The following CPLANE1 variants were observed in gnomAD, a reference collection of about 807,000 sequenced individuals.
CPLANE1 encodes the protein ciliogenesis and planar polarity effector 1.
Under a neutral mutation model 362.5 loss-of-function variants are expected in CPLANE1, and 263 were observed. That is an observed-to-expected ratio of 0.73 (90% CI 0.66 to 0.80). The LOEUF (loss-of-function observed/expected upper bound fraction) is 0.80, where lower values mean the gene tolerates loss of function less well. CPLANE1 is among the 30% of genes least tolerant of loss of function. The pLI is 0.00. For missense variants in CPLANE1, 3,461 were observed against 3,793.4 expected (o/e 0.91, Z 2.30); for synonymous variants, 1,212 against 1,302.6 (o/e 0.93, Z 1.50).
chr5:37,193,806 A>G (rs1276803310), intron 21 of CPLANE1, among the ~76,000 whole-genome samples: 1 of 152,084 alleles, frequency 6.6e-6, no homozygotes, highest in Admixed American at 6.6e-5. Flanking sequence ...TAGCAAGATC[A>G]TAGCTCACTG....
chr5:37,231,348 G>A (rs1456469535), intron 8 of CPLANE1, among the ~76,000 whole-genome samples: 1 of 152,176 alleles, frequency 6.6e-6, no homozygotes, highest in Non-Finnish European at 1.5e-5. Context: ...GGGAGGCCGA[G>A]GCAGGCGGAT....
At chr5:37,141,470 T>C in intron 44 of CPLANE1, 1 of 984,630 alleles carries the variant, frequency 1.0e-6, no homozygotes, top group Non-Finnish European at 1.2e-6. Flanking sequence ...CATATGTTGA[T>C]GACTAAAACA....
chr5:37,154,686 T>C (rs77787197), intron 41 of CPLANE1, among the ~76,000 whole-genome samples: 2,456 of 152,102 alleles, frequency 0.016, 79 homozygotes, highest in African/African-American at 0.057. Flanking sequence ...CTGCCATCCA[T>C]TCCTTTTACC....
At chr5:37,092,281 C>T in the CPLANE1 span, among the ~76,000 whole-genome samples, 2 of 152,206 alleles carry the variant, frequency 1.3e-5, no homozygotes, top group East Asian at 3.9e-4. Context: ...CACTATCTTC[C>T]CACTGTGTGT....
At chr5:37,189,612 G>A (rs2151259265) in intron 21 of CPLANE1, among the ~76,000 whole-genome samples, 1 of 152,288 alleles carries the variant, frequency 6.6e-6, no homozygotes, top group East Asian at 1.9e-4. Context: ...TTTTCAGACT[G>A]TGGATTACAA....
intron 49 of CPLANE1, among the ~76,000 whole-genome samples, chr5:37,120,809 A>G (rs532921698): frequency 6.6e-6 from 1 of 152,304 alleles, no homozygotes; most frequent in East Asian, 1.9e-4. Context: ...GCTTTATTCT[A>G]GAAAAGTCTC....
rs571013883 is a variant in CPLANE1 at position 37,230,493 on chromosome 5, T to C, written c.1121+374A>G. 2.4e-3 allele frequency among the ~76,000 whole-genome samples: 372 copies of C among 152,226 alleles called. 4 individuals are homozygous for C. The highest frequency in any genetic ancestry group is 8.3e-3 in the African/African-American group (345 of 41,570). The stretch of plus-strand genomic sequence containing the variant: ...TTTCTATCCATTTCCAATAACTTTT[T>C]CCCTTTGGGAAAAAAGTAGATAAAT... On this transcript the variant is annotated intron_variant, in intron 9 of 52. Coordinates refer to ENST00000651892, the MANE Select transcript of CPLANE1 (RefSeq NM_001384732.1).
At position 37,227,303 on chromosome 5, in the gene CPLANE1, GA is replaced by G. The variant is rs1381218328; in HGVS notation, c.1460del (p.Phe487SerfsTer13). ...EHQGNESSAD[F>X]TVPKFLQAEE... ...CTGCCTGCAAGAATTTGGGGACAGT[GA>G]AATCGGCTGAACTTTCATTTCCTTG... On this transcript the variant is annotated frameshift_variant, in exon 11 of 53. Transcript: ENST00000651892. 1 of 1,552,142 alleles carries G rather than the reference GA, an allele frequency of 6.4e-7. No homozygotes were observed. The highest frequency in any genetic ancestry group is 2.4e-5 in the East Asian group (1 of 40,892).
intron 19 of CPLANE1, among the ~76,000 whole-genome samples, chr5:37,199,564 T>C (rs1017256876): frequency 1.3e-5 from 2 of 152,234 alleles, no homozygotes; most frequent in African/African-American, 4.8e-5. Context: ...TTTGTCTTCG[T>C]ATGGCCACAG....
Position 37,206,692 on chromosome 5 carries a change from C to G in CPLANE1, c.2921-267G>C, listed in dbSNP as rs1473726366. Among the ~76,000 whole-genome samples, 4 of 152,024 alleles carry G rather than the reference C, an allele frequency of 2.6e-5. 1 individual carries two copies. Among genetic ancestry groups the G allele is most frequent in the African/African-American group, 9.6e-5 (4 of 41,488 alleles). Reference sequence around the variant, plus strand: ...AAAAACAAAACAGAATAGAAAGTATCAGACACAAAATAAAGGTAAATACTG... The same window carrying G: ...AAAAACAAAACAGAATAGAAAGTATGAGACACAAAATAAAGGTAAATACTG... On this transcript the variant is annotated intron_variant, in intron 16 of 52. Coordinates refer to ENST00000651892, the MANE Select transcript of CPLANE1 (RefSeq NM_001384732.1).
At chr5:37,121,595 G>A in intron 49 of CPLANE1, 22 bp downstream of exon 49, 1 of 1,610,846 alleles carries the variant, frequency 6.2e-7, no homozygotes, top group Non-Finnish European at 8.5e-7. Context: ...CTTGCCAAAT[G>A]GCATGTGAAA....
intron 42 of CPLANE1, 115 bp downstream of exon 42, chr5:37,153,625 G>T: frequency 9.2e-7 from 1 of 1,083,704 alleles, no homozygotes. Context: ...ACAAACCCTA[G>T]CTTAAAGAAA....
the CPLANE1 span, among the ~76,000 whole-genome samples, chr5:37,082,093 C>CAAA: frequency 1.1e-5 from 1 of 92,496 alleles, no homozygotes; most frequent in African/African-American, 3.5e-5. Flanking sequence ...AACTCCGTAT[C>CAAA]AAAAAAAAAA....
chr5:37,217,395 C>G (rs1295373898), intron 15 of CPLANE1, among the ~76,000 whole-genome samples: 1 of 151,910 alleles, frequency 6.6e-6, no homozygotes, highest in Non-Finnish European at 1.5e-5. Context: ...CACCTGAGGT[C>G]AGGAGTTAGA....
intron 46 of CPLANE1, among the ~76,000 whole-genome samples, chr5:37,135,110 A>G (rs1238930786): frequency 6.6e-6 from 1 of 152,084 alleles, no homozygotes; most frequent in Non-Finnish European, 1.5e-5. Flanking sequence ...TTTCCTCACA[A>G]TGGTGCTTTT....
chr5:37,097,222 T>A, the CPLANE1 span, among the ~76,000 whole-genome samples: 1 of 151,702 alleles, frequency 6.6e-6, no homozygotes, highest in South Asian at 2.1e-4. Context: ...ACAAAAAAAA[T>A]AAATATATGT....
At chr5:37,236,925 T>C (rs760876286) in intron 8 of CPLANE1, among the ~76,000 whole-genome samples, 28 of 151,862 alleles carry the variant, frequency 1.8e-4, no homozygotes, top group Non-Finnish European at 2.9e-4. Context: ...TGTTGGCAAG[T>C]ATGCAGAGGA....
intron 46 of CPLANE1, among the ~76,000 whole-genome samples, chr5:37,132,324 T>C (rs1766075120): frequency 6.7e-6 from 1 of 149,256 alleles, no homozygotes; most frequent in South Asian, 2.1e-4. Context: ...TCTTTGCTTA[T>C]TCGATTGTTC....
At chr5:37,247,790 C>A in intron 1 of CPLANE1, 45 bp from the exon 2 acceptor site, 1 of 1,307,168 alleles carries the variant, frequency 7.7e-7, no homozygotes, top group Non-Finnish European at 1.0e-6. Flanking sequence ...GCATAATATT[C>A]ACTGGGCATT....
Sources: gnomAD v4.1 joint callset for allele counts (sites outside exome capture counted in the v4.1 genomes callset) on GRCh38, gnomAD v4.1.1 for gene constraint, MANE v1.5 for transcripts, NCBI Gene and HGNC (gene_info 2026-07-23, HGNC 2026-07-21) for gene names.